Variants in MPHOSPH6 observed in about 807,000 individuals in gnomAD.
MPHOSPH6 encodes M-phase phosphoprotein 6.
MPHOSPH6 carries 25 observed loss-of-function variants against 21.8 expected under a neutral mutation model. The ratio of observed to expected loss-of-function variants is 1.15; its 90% CI spans 0.83 to 1.60. The LOEUF (loss-of-function observed/expected upper bound fraction) is 1.60, where lower values mean the gene tolerates loss of function less well. Ranked by LOEUF, MPHOSPH6 falls within the 40% of genes most tolerant of loss-of-function variation. The probability of loss-of-function intolerance (pLI) is 0.00; values close to 1 mark genes in which losing one functional copy is unlikely to be tolerated. For synonymous variants in MPHOSPH6, 84 were observed against 56.5 expected (o/e 1.49, Z -2.18); for missense variants, 269 against 181.8 (o/e 1.48, Z -2.76).
At chr16:82,168,472 C>CTCCGTT (rs1555541289) in intron 1 of MPHOSPH6, among the ~76,000 whole-genome samples, 3 of 48,024 alleles carry the variant, frequency 6.2e-5, no homozygotes, top group African/African-American at 9.9e-5. Flanking sequence ...TACTCTCTCT[C>CTCCGTT]TTTTTTTTTT....
At position 82,151,519 on chromosome 16, in the gene MPHOSPH6, A is replaced by G; in HGVS notation, c.165-5T>C. The G allele has an allele frequency of 6.4e-7, 1 of 1,570,470 alleles. No individual in the cohort carries two copies. Reference sequence around the variant, plus strand: ...TGCTCTTCTATTATGAAACTCCTAAATGGGAAAATAAAAATAGCATTTCTC... The same window carrying G: ...TGCTCTTCTATTATGAAACTCCTAAGTGGGAAAATAAAAATAGCATTTCTC... On this transcript the variant is annotated splice_polypyrimidine_tract_variant and splice_region_variant and intron_variant, in intron 2 of 4. Coordinates refer to ENST00000258169, the MANE Select transcript of MPHOSPH6 (RefSeq NM_005792.2).
chr16:82,169,326 C>T (rs529842752), intron 1 of MPHOSPH6, among the ~76,000 whole-genome samples: 14 of 152,116 alleles, frequency 9.2e-5, no homozygotes, highest in African/African-American at 3.4e-4. Flanking sequence ...TTCTTTCTTG[C>T]CTCTCAGACT....
chr16:82,165,144 T>TTTTTTTTTTTTTG (rs1555540871), intron 1 of MPHOSPH6, among the ~76,000 whole-genome samples: 8 of 108,686 alleles, frequency 7.4e-5, no homozygotes, highest in East Asian at 3.2e-4. Flanking sequence ...TTTTTTTTTT[T>TTTTTTTTTTTTTG]TGAGACAGAG....
intron 2 of MPHOSPH6, among the ~76,000 whole-genome samples, chr16:82,158,596 T>C (rs1906508520): frequency 6.6e-6 from 1 of 152,114 alleles, no homozygotes; most frequent in Non-Finnish European, 1.5e-5. Context: ...GACACTTTTT[T>C]TCAATGTCAC....
chr16:82,165,643 A>G (rs746636922), intron 1 of MPHOSPH6, among the ~76,000 whole-genome samples: 2 of 107,326 alleles, frequency 1.9e-5, no homozygotes, highest in Non-Finnish European at 4.3e-5. Flanking sequence ...TACCTTTTCT[A>G]TATCTAGATA....
chr16:82,158,336 A>G (rs2014062590), intron 2 of MPHOSPH6, among the ~76,000 whole-genome samples: 1 of 146,510 alleles, frequency 6.8e-6, no homozygotes, highest in Non-Finnish European at 1.5e-5. Context: ...AAAAAATACA[A>G]AAAAAAAAAA....
At chr16:82,157,939 C>T (rs545847011) in intron 2 of MPHOSPH6, among the ~76,000 whole-genome samples, 1 of 152,134 alleles carries the variant, frequency 6.6e-6, no homozygotes, top group African/African-American at 2.4e-5. Context: ...AAGATGTCAT[C>T]TTTTACTGTG....
intron 2 of MPHOSPH6, among the ~76,000 whole-genome samples, chr16:82,155,244 A>T (rs1352164194): frequency 1.3e-5 from 2 of 152,234 alleles, no homozygotes; most frequent in Non-Finnish European, 2.9e-5. Context: ...AATAGAGAGA[A>T]AGTAAATGCT....
In MPHOSPH6 at chr16:82,148,533, C is replaced by T; in HGVS notation, c.*198G>A. ...GTAGATCAGGGGCTAAAAATCCACT[C>T]TGAATGAATACCAAGAAGCAAAGGA... On this transcript the variant is annotated 3_prime_UTR_variant, in exon 5 of 5. Coordinates refer to ENST00000258169, the MANE Select transcript of MPHOSPH6 (RefSeq NM_005792.2). 1 of 603,606 alleles carries T rather than the reference C, an allele frequency of 1.7e-6. No homozygotes were observed. The highest frequency in any genetic ancestry group is 2.6e-6 in the Non-Finnish European group (1 of 391,656). The allele number at this position is 603,606 out of a possible 1,614,324, so 37.4% of individuals were successfully genotyped here.
chr16:82,154,978 C>G (rs999571873), intron 2 of MPHOSPH6, among the ~76,000 whole-genome samples: 1 of 152,078 alleles, frequency 6.6e-6, no homozygotes, highest in African/African-American at 2.4e-5. Flanking sequence ...AAAATGTCAG[C>G]AAATTGAATT....
chr16:82,161,330 T>C (rs554482023), intron 2 of MPHOSPH6, among the ~76,000 whole-genome samples: 1 of 152,184 alleles, frequency 6.6e-6, no homozygotes, highest in South Asian at 2.1e-4. Context: ...TCAGTGAAAG[T>C]GTGGCAGGCT....
At chr16:82,160,716 T>C (rs1034577068) in intron 2 of MPHOSPH6, among the ~76,000 whole-genome samples, 1 of 152,134 alleles carries the variant, frequency 6.6e-6, no homozygotes, top group Non-Finnish European at 1.5e-5. Flanking sequence ...TCATAGGAGT[T>C]GGGGACAAAA....
chr16:82,157,082 A>T (rs1906451605), intron 2 of MPHOSPH6, among the ~76,000 whole-genome samples: 1 of 152,070 alleles, frequency 6.6e-6, no homozygotes, highest in South Asian at 2.1e-4. Flanking sequence ...ATAAAAAAAT[A>T]AAAAACTGGA....
At chr16:82,156,299 T>C (rs1430117647) in intron 2 of MPHOSPH6, among the ~76,000 whole-genome samples, 1 of 152,222 alleles carries the variant, frequency 6.6e-6, no homozygotes, top group Non-Finnish European at 1.5e-5. Flanking sequence ...CTTGAGTTAA[T>C]GATGTGCATG....
Position 82,148,700 on chromosome 16 carries a change from C to A in MPHOSPH6, c.*31G>T, listed in dbSNP as rs768448842. ...AGATGCCCTGCTGACTTCCACCAAG[C>A]ACCCCTGGGCCATCGCTTAAGGCAT... On this transcript the variant is annotated 3_prime_UTR_variant, in exon 5 of 5. Coordinates refer to ENST00000258169, the MANE Select transcript of MPHOSPH6 (RefSeq NM_005792.2). The A allele has an allele frequency of 6.2e-7, 1 of 1,606,144 alleles. No individual in the cohort carries two copies. Among genetic ancestry groups the A allele is most frequent in the Non-Finnish European group, 8.5e-7 (1 of 1,175,620 alleles).
chr16:82,160,202 G>C (rs924979617), intron 2 of MPHOSPH6, among the ~76,000 whole-genome samples: 15 of 152,122 alleles, frequency 9.9e-5, no homozygotes, highest in Admixed American at 5.2e-4. Flanking sequence ...ATTAATTACA[G>C]AGTTGGCAAG....
At chr16:82,148,913 G>T in intron 4 of MPHOSPH6, 50 bp from the exon 5 acceptor site, 2 of 1,595,146 alleles carry the variant, frequency 1.3e-6, no homozygotes, top group South Asian at 2.3e-5. Context: ...AAAAGGTAGG[G>T]ATCAAGCCTT....
rs1382564476 is a variant in MPHOSPH6, at chr16:82,157,660, G to A, written c.165-6146C>T. 2.6e-5 allele frequency among the ~76,000 whole-genome samples: 4 copies of A among 151,610 alleles called. No individual in the cohort carries two copies. In the East Asian group the frequency reaches 7.9e-4, roughly 30 times the overall value. On this transcript the variant is annotated intron_variant, in intron 2 of 4. Coordinates refer to ENST00000258169, the MANE Select transcript of MPHOSPH6 (RefSeq NM_005792.2). The stretch of plus-strand genomic sequence containing the variant: ...ACCCACACGTGCACACAGTTTAAGG[G>A]GAGATACTGAGGGCAGACTAGAGGA...
Position 82,151,786 on chromosome 16 carries a change from T to C in MPHOSPH6, c.165-272A>G, listed in dbSNP as rs117732751. Among the ~76,000 whole-genome samples the C allele has an allele frequency of 4.5e-3, 678 of 152,346 alleles. 3 individuals are homozygous for C. The highest frequency in any genetic ancestry group is 7.3e-3 in the Non-Finnish European group (496 of 68,030). On this transcript the variant is annotated intron_variant, in intron 2 of 4. Transcript: ENST00000258169. ...CTACATAATATAAAGATCTAAAGTA[T>C]TGACAATAAACTTGAATTTGCCAAA...
Sources: allele counts gnomAD v4.1 joint callset (sites outside exome capture counted in the v4.1 genomes callset), GRCh38; gene constraint gnomAD v4.1.1; transcripts MANE v1.5; gene names NCBI Gene and HGNC (gene_info 2026-07-23, HGNC 2026-07-21).